MPPED2: variants seen among roughly 807,000 people sequenced by gnomAD.
MPPED2 encodes the protein metallophosphoesterase MPPED2.
MPPED2 carries 5 observed loss-of-function variants against 33.0 expected under a neutral mutation model. The ratio of observed to expected loss-of-function variants is 0.15; its 90% CI spans 0.08 to 0.32. The LOEUF (loss-of-function observed/expected upper bound fraction) is 0.32. MPPED2 is among the 10% of genes least tolerant of loss of function. The probability of loss-of-function intolerance (pLI) is 1.00; values close to 1 mark genes in which losing one functional copy is unlikely to be tolerated. For synonymous variants in MPPED2, 136 were observed against 141.9 expected, an observed-to-expected ratio of 0.96 and a Z score of 0.29; for missense variants, 275 against 372.1, an observed-to-expected ratio of 0.74 and a Z score of 2.15.
chr11:30,582,976 T>C (rs1957237598), intron 1 of MPPED2, among the ~76,000 whole-genome samples: 1 of 152,096 alleles, frequency 6.6e-6, no homozygotes, highest in African/African-American at 2.4e-5. Flanking sequence ...TTGAAGAAAA[T>C]GTCAGACTGA....
chr11:30,463,482 G>A (rs75228055), intron 4 of MPPED2, among the ~76,000 whole-genome samples: 1 of 152,188 alleles, frequency 6.6e-6, no homozygotes, highest in Non-Finnish European at 1.5e-5. Flanking sequence ...AGCCCTGGAG[G>A]TTGGTGCAGG....
In MPPED2 at chr11:30,586,023, CCTT is replaced by C. The variant is rs1957454908; in HGVS notation, c.-122+16_-122+18del. ...CTCCCCCTCCCCCGCCCTCCGCCTC[CCTT>C]CCCGGGGCGGATTACCTTTCCCGGG... On this transcript the variant is annotated intron_variant, in intron 1 of 6. Transcript: ENST00000358117. The surrounding 1 kb of genome is among the most constrained non-coding windows in gnomAD (Gnocchi z 4.8). 6.6e-6 allele frequency: 1 copy of C among 152,484 alleles called. No homozygotes were observed. The highest frequency in any genetic ancestry group is 2.4e-5 in the African/African-American group (1 of 41,470). The allele number at this position is 152,484 out of a possible 1,614,324, so 9.4% of individuals were successfully genotyped here.
intron 4 of MPPED2, among the ~76,000 whole-genome samples, chr11:30,438,051 T>C (rs920776881): frequency 2.6e-5 from 4 of 152,184 alleles, no homozygotes; most frequent in Non-Finnish European, 5.9e-5. Flanking sequence ...CTTCAAGGGA[T>C]TATAATAAAG....
chr11:30,505,203 T>C (rs114244555), intron 3 of MPPED2, among the ~76,000 whole-genome samples: 91 of 152,348 alleles, frequency 6.0e-4, no homozygotes, highest in African/African-American at 2.2e-3. Flanking sequence ...AGAGATTTTA[T>C]TGCTGCTCAG....
At chr11:30,542,524 G>A (rs1357965510) in intron 2 of MPPED2, among the ~76,000 whole-genome samples, 1 of 146,004 alleles carries the variant, frequency 6.8e-6, no homozygotes, top group Non-Finnish European at 1.5e-5. Flanking sequence ...CAGCTACTCA[G>A]AAGGCTGAGG....
intron 2 of MPPED2, among the ~76,000 whole-genome samples, chr11:30,553,351 A>G (rs548171827): frequency 1.4e-4 from 21 of 152,342 alleles, no homozygotes; most frequent in Non-Finnish European, 2.9e-4. Context: ...AATCACAATT[A>G]CCAAGGCTCT....
At chr11:30,471,933 A>G (rs541381833) in intron 4 of MPPED2, among the ~76,000 whole-genome samples, 1 of 152,088 alleles carries the variant, frequency 6.6e-6, no homozygotes, top group East Asian at 1.9e-4. Context: ...ATCTCTATAA[A>G]CCACATGCAA....
chr11:30,439,406 C>A (rs1949467143), intron 4 of MPPED2, among the ~76,000 whole-genome samples: 1 of 152,124 alleles, frequency 6.6e-6, no homozygotes, highest in South Asian at 2.1e-4. Flanking sequence ...TCTACATTTG[C>A]TGGAACTGTA....
intron 4 of MPPED2, among the ~76,000 whole-genome samples, chr11:30,446,764 G>A (rs1949828258): frequency 2.0e-5 from 3 of 152,124 alleles, no homozygotes; most frequent in South Asian, 4.1e-4. Context: ...CTCTCTTAAT[G>A]GAAAGCAAGC....
downstream of MPPED2, among the ~76,000 whole-genome samples, chr11:30,407,432 G>T (rs1948007163): frequency 1.3e-5 from 2 of 152,304 alleles, no homozygotes; most frequent in East Asian, 3.9e-4. Flanking sequence ...GGGAAGTTAG[G>T]CTCCCTTATC....
intron 2 of MPPED2, among the ~76,000 whole-genome samples, chr11:30,562,499 A>G (rs76699337): frequency 0.088 from 13,470 of 152,234 alleles, 2,037 homozygotes; most frequent in African/African-American, 0.31. Context: ...GCATGCCTAC[A>G]GGGAAAAACT....
chr11:30,485,161 G>A (rs904592788), intron 4 of MPPED2, among the ~76,000 whole-genome samples: 3 of 152,116 alleles, frequency 2.0e-5, no homozygotes, highest in Non-Finnish European at 4.4e-5. Context: ...GAAGCAAACC[G>A]ATTTGGGACT....
chr11:30,536,806 TG>T (rs1386834545), intron 2 of MPPED2, among the ~76,000 whole-genome samples: 1 of 151,358 alleles, frequency 6.6e-6, no homozygotes, highest in Non-Finnish European at 1.5e-5. Context: ...AAAAAGACAC[TG>T]GATGTTAAAA....
Position 30,421,715 on chromosome 11 carries a change from A to G in MPPED2, c.537-4082T>C, listed in dbSNP as rs541402382. ...TCCAAAGCCTGGGTTCTTCCCTTGC[A>G]CAATGCTGACCAAAACCTACTAGCA... On this transcript the variant is annotated intron_variant, in intron 4 of 6. Coordinates refer to ENST00000358117, the MANE Select transcript of MPPED2 (RefSeq NM_001584.3). 2.6e-5 allele frequency among the ~76,000 whole-genome samples: 4 copies of G among 152,310 alleles called. No homozygotes were observed. In the South Asian group the frequency reaches 8.3e-4, roughly 32 times the overall value.
intron 3 of MPPED2, among the ~76,000 whole-genome samples, chr11:30,522,406 A>G (rs1052278827): frequency 6.6e-6 from 1 of 151,962 alleles, no homozygotes; most frequent in Middle Eastern, 3.2e-3. Context: ...ACACACACAC[A>G]CACACACACA....
At chr11:30,395,253 G>T (rs1426944302) in intron 6 of MPPED2, among the ~76,000 whole-genome samples, 1 of 152,152 alleles carries the variant, frequency 6.6e-6, no homozygotes, top group Non-Finnish European at 1.5e-5. Context: ...AATGGACCAT[G>T]GGGATTTACA....
intron 3 of MPPED2, among the ~76,000 whole-genome samples, chr11:30,525,135 C>T (rs774797079): frequency 2.6e-5 from 4 of 152,174 alleles, no homozygotes; most frequent in Non-Finnish European, 4.4e-5. Context: ...GTTCTAGCTG[C>T]CTCATTTACA....
chr11:30,571,406 A>T (rs1006401552), intron 2 of MPPED2, among the ~76,000 whole-genome samples: 4 of 152,146 alleles, frequency 2.6e-5, no homozygotes, highest in Non-Finnish European at 5.9e-5. Flanking sequence ...GGAGCCAATA[A>T]ATTCAACAGA....
intron 4 of MPPED2, among the ~76,000 whole-genome samples, chr11:30,419,023 T>C (rs974031510): frequency 1.3e-5 from 2 of 152,192 alleles, no homozygotes; most frequent in African/African-American, 4.8e-5. Context: ...TAGGAAAGTA[T>C]CAGACTTGCT....
Sources: allele counts gnomAD v4.1 joint callset (sites outside exome capture counted in the v4.1 genomes callset), GRCh38; gene constraint gnomAD v4.1.1; non-coding constraint Gnocchi (gnomAD v3.1); transcripts MANE v1.5; gene names NCBI Gene and HGNC (gene_info 2026-07-23, HGNC 2026-07-21).